OR5I1: variants seen among roughly 807,000 people sequenced by gnomAD.
OR5I1 encodes the protein olfactory receptor 5I1.
For synonymous variants in OR5I1, 163 were observed against 145.5 expected, an observed-to-expected ratio of 1.12 and a Z score of -0.87; for missense variants, 425 against 367.6, an observed-to-expected ratio of 1.16 and a Z score of -1.28.
rs1438545746 is a variant in OR5I1 at position 55,936,032 on chromosome 11, A to C, written c.369T>G (p.Asp123Glu). The change falls in exon 1 of 1, where the codon GAT (aspartate) becomes GAG (glutamate). Residue 123 changes from aspartate to glutamate, a missense_variant. Asp to Glu is a conservative substitution (Grantham distance 45). Coordinates refer to ENST00000301532, the MANE Select transcript of OR5I1 (RefSeq NM_006637.1). Reference protein sequence around the residue: ...ESFILAAMAYDRYVAICNPLL... With the variant: ...ESFILAAMAYERYVAICNPLL... ...AAGGGTTACAGATGGCGACATAGCG[A>C]TCATAGGCCATGGCGGCCAGGATGA... The C allele has an allele frequency of 6.2e-7, 1 of 1,612,070 alleles. No individual in the cohort carries two copies. The highest frequency in any genetic ancestry group is 8.5e-7 in the Non-Finnish European group (1 of 1,178,988).
In OR5I1 at chr11:55,935,605, A is replaced by G. The variant is rs1194202086; in HGVS notation, c.796T>C (p.Tyr266His). ...TLLFIYSRPS[Y>H]LYSPNTDKII... The stretch of plus-strand genomic sequence containing the variant: ...TTATCAGTGTTTGGAGAATACAGGT[A>G]GCTGGGCCGTGAGTAAATAAAGAGG... The change falls in exon 1 of 1, where the codon TAC becomes CAC. Residue 266 changes from tyrosine to histidine, a missense_variant. Physicochemically the swap from Tyr to His is moderately conservative, Grantham distance 83. Transcript: ENST00000301532. 2 of 1,611,642 alleles carry G rather than the reference A, an allele frequency of 1.2e-6. No homozygotes were observed. The highest frequency in any genetic ancestry group is 1.7e-6 in the Non-Finnish European group (2 of 1,178,678).
Position 55,935,594 on chromosome 11 carries a change from A to G in OR5I1, c.807T>C (p.Ser269=), listed in dbSNP as rs759048555. The part of the protein sequence containing the change: ...FIYSRPSYLY[S]PNTDKIISVF... ...CTGAGATAATTTTATCAGTGTTTGG[A>G]GAATACAGGTAGCTGGGCCGTGAGT... is the stretch of plus-strand genomic sequence containing the variant. The change falls in exon 1 of 1, where the codon TCT becomes TCC. Residue 269 remains serine (S), a synonymous_variant. Coordinates refer to ENST00000301532, the MANE Select transcript of OR5I1 (RefSeq NM_006637.1). 45 of 1,611,508 alleles carry G rather than the reference A, an allele frequency of 2.8e-5. No individual in the cohort carries two copies. Among genetic ancestry groups the G allele is most frequent in the Non-Finnish European group, 3.6e-5 (43 of 1,178,672 alleles).
In OR5I1 at chr11:55,935,531, C is replaced by T; in HGVS notation, c.870G>A (p.Leu290=). 6.2e-7 allele frequency: 1 copy of T among 1,610,274 alleles called. No homozygotes were observed. The highest frequency in any genetic ancestry group is 1.3e-5 in the African/African-American group (1 of 74,674). Residue 290 remains leucine, a synonymous_variant, in exon 1 of 1, where the codon TTG becomes TTA. Coordinates refer to ENST00000301532, the MANE Select transcript of OR5I1 (RefSeq NM_006637.1). ...YTIFIPVLNP[L]IYSLRNKDVK... ...CATCTTTATTTCTCAAACTATAAATCAACGGATTCAGCACTGGAATGAAAA... is the reference window on the plus strand; with the variant it reads ...CATCTTTATTTCTCAAACTATAAATTAACGGATTCAGCACTGGAATGAAAA...
Position 55,935,687 on chromosome 11 carries a change from C to T in OR5I1, c.714G>A (p.Lys238=), listed in dbSNP as rs1855156070. The T allele has an allele frequency of 1.2e-6, 2 of 1,609,796 alleles. No homozygotes were observed. Among genetic ancestry groups the T allele is most frequent in the Non-Finnish European group, 1.7e-6 (2 of 1,177,916 alleles). ...GGTGAGAGGCGCATGTAGAAAAGGT[C>T]TTCTTCCTCCCACTGAAAGAGCGGA... is the stretch of plus-strand genomic sequence containing the variant. ...LKIRSFSGRK[K]TFSTCASHLT... is the part of the protein sequence containing the mutation. The change falls in exon 1 of 1, where the codon AAG becomes AAA. Residue 238 remains lysine (K), a synonymous_variant. Transcript: ENST00000301532.
In OR5I1 at chr11:55,935,999, G is replaced by T; in HGVS notation, c.402C>A (p.Tyr134Ter). The T allele has an allele frequency of 6.2e-7, 1 of 1,612,422 alleles. No individual in the cohort carries two copies. Among genetic ancestry groups the T allele is most frequent in the Non-Finnish European group, 8.5e-7 (1 of 1,179,090 alleles). Residue 134 changes from tyrosine (Y) to a stop codon, truncating the protein, a stop_gained, in exon 1 of 1, where the codon TAC (tyrosine) becomes TAA (stop). Coordinates refer to ENST00000301532, the MANE Select transcript of OR5I1 (RefSeq NM_006637.1). LOFTEE classifies it low-confidence loss of function (END_TRUNC). Reference protein sequence around the residue: ...RYVAICNPLLYTVVMSRGICM... With the variant: ...RYVAICNPLL Reference sequence around the variant, plus strand: ...AGATGCCCCTAGACATCACAACTGTGTACAATAAAGGGTTACAGATGGCGA... The same window carrying T: ...AGATGCCCCTAGACATCACAACTGTTTACAATAAAGGGTTACAGATGGCGA...
chr11:55,935,780 T>C lies in OR5I1; in HGVS notation c.621A>G (p.Ser207=), dbSNP rs1002087040. 5 of 1,610,810 alleles carry C rather than the reference T, an allele frequency of 3.1e-6. 1 individual carries two copies. The highest frequency in any genetic ancestry group is 3.3e-4 in the Middle Eastern group (2 of 6,042). Reference sequence around the variant, plus strand: ...TGATGATAAAACAAATGATTTCCACTGAGCTGCCGTATGTGGAGAGGAGCC... The same window carrying C: ...TGATGATAAAACAAATGATTTCCACCGAGCTGCCGTATGTGGAGAGGAGCC... ...NEWLLSTYGS[S]VEIICFIIII... Residue 207 remains serine, a synonymous_variant, in exon 1 of 1, where the codon TCA becomes TCG. Transcript: ENST00000301532.
At position 55,935,766 on chromosome 11, in the gene OR5I1, C is replaced by T. The variant is rs1253570366; in HGVS notation, c.635G>A (p.Cys212Tyr). 3.1e-6 allele frequency: 5 copies of T among 1,609,532 alleles called. No homozygotes were observed. Among genetic ancestry groups the T allele is most frequent in the Non-Finnish European group, 4.2e-6 (5 of 1,177,576 alleles). The change falls in exon 1 of 1, where the codon TGT (cysteine) becomes TAT (tyrosine). Residue 212 changes from cysteine to tyrosine, a missense_variant. Cys to Tyr is a radical substitution (Grantham distance 194). Transcript: ENST00000301532. ...GTAGGAGATGATGATGATGATAAAACAAATGATTTCCACTGAGCTGCCGTA... is the reference window on the plus strand; with the variant it reads ...GTAGGAGATGATGATGATGATAAAATAAATGATTTCCACTGAGCTGCCGTA... Reference protein sequence around the residue: ...STYGSSVEIICFIIIIISYFF... With the variant: ...STYGSSVEIIYFIIIIISYFF...
In OR5I1 at chr11:55,936,377, G is replaced by T; in HGVS notation, c.24C>A (p.Tyr8Ter). 1 of 1,577,782 alleles carries T rather than the reference G, an allele frequency of 6.3e-7. No individual in the cohort carries two copies. The highest frequency in any genetic ancestry group is 8.6e-7 in the Non-Finnish European group (1 of 1,161,480). Residue 8 changes from tyrosine (Y) to a stop codon, truncating the protein, a stop_gained, in exon 1 of 1, where the codon TAC (tyrosine) becomes TAA (stop). Transcript: ENST00000301532. LOFTEE classifies it low-confidence loss of function (END_TRUNC). MEFTDRN[Y>*]TLVTEFILLG... Reference sequence around the variant, plus strand: ...ATAGAATAAACTCAGTGACCAACGTGTAGTTTCTATCTGTAAATTCCATCT... The same window carrying T: ...ATAGAATAAACTCAGTGACCAACGTTTAGTTTCTATCTGTAAATTCCATCT...
chr11:55,935,802 A>T lies in OR5I1; in HGVS notation c.599T>A (p.Leu200His), dbSNP rs753207987. Reference sequence around the variant, plus strand: ...CACTGAGCTGCCGTATGTGGAGAGGAGCCACTCATTAATTGTTGTGTCAGT... The same window carrying T: ...CACTGAGCTGCCGTATGTGGAGAGGTGCCACTCATTAATTGTTGTGTCAGT... The part of the protein sequence containing the change: ...SCTDTTINEW[L>H]LSTYGSSVEI... The change falls in exon 1 of 1, where the codon CTC (leucine) becomes CAC (histidine). Residue 200 changes from leucine (L) to histidine (H), a missense_variant. Leu to His is a moderately conservative substitution (Grantham distance 99). Transcript: ENST00000301532. 6.2e-7 allele frequency: 1 copy of T among 1,611,836 alleles called. No individual in the cohort carries two copies. Among genetic ancestry groups the T allele is most frequent in the South Asian group, 1.1e-5 (1 of 90,998 alleles).
rs747654853 is a variant in OR5I1, at chr11:55,935,957, G to A, written c.444C>T (p.Val148=). ...MSRGICMRLI[V]LSYLGGNMSS... is the part of the protein sequence containing the mutation. ...TCATGTTGCCTCCAAGGTATGACAAGACAATCAACCGCATACAGATGCCCC... is the reference window on the plus strand; with the variant it reads ...TCATGTTGCCTCCAAGGTATGACAAAACAATCAACCGCATACAGATGCCCC... Residue 148 remains valine, a synonymous_variant, in exon 1 of 1, where the codon GTC becomes GTT. Coordinates refer to ENST00000301532, the MANE Select transcript of OR5I1 (RefSeq NM_006637.1). The A allele has an allele frequency of 6.2e-7, 1 of 1,612,346 alleles. No homozygotes were observed. The highest frequency in any genetic ancestry group is 8.5e-7 in the Non-Finnish European group (1 of 1,179,034).
rs142135557 is a variant in OR5I1 at position 55,936,314 on chromosome 11, C to T, written c.87G>A (p.Leu29=). 1.2e-6 allele frequency: 2 copies of T among 1,611,338 alleles called. No homozygotes were observed. Among genetic ancestry groups the T allele is most frequent in the East Asian group, 2.2e-5 (1 of 44,782 alleles). ...FPTRPELQIV[L]FLMFLTLYAI... ...CATACAATGTCAGAAACATGAGGAA[C>T]AGGACAATCTGCAGTTCAGGGCGAG... Residue 29 remains leucine (L), a synonymous_variant, in exon 1 of 1, where the codon CTG becomes CTA. Coordinates refer to ENST00000301532, the MANE Select transcript of OR5I1 (RefSeq NM_006637.1).
In OR5I1 at chr11:55,936,144, T is replaced by C. The variant is rs1379953281; in HGVS notation, c.257A>G (p.Asn86Ser). ...FSDIVPKMLV[N>S]FLSENKSISY... ...AATAGATTTGTTCTCCGAGAGGAAA[T>C]TGACCAGCATTTTGGGAACAATGTC... The change falls in exon 1 of 1, where the codon AAT becomes AGT. Residue 86 changes from asparagine to serine, a missense_variant. Physicochemically the swap from Asn to Ser is conservative, Grantham distance 46. Coordinates refer to ENST00000301532, the MANE Select transcript of OR5I1 (RefSeq NM_006637.1). 6.2e-7 allele frequency: 1 copy of C among 1,611,998 alleles called. No individual in the cohort carries two copies. Among genetic ancestry groups the C allele is most frequent in the African/African-American group, 1.3e-5 (1 of 74,642 alleles).
rs563745858 is a variant in OR5I1 at position 55,935,930 on chromosome 11, A to G, written c.471T>C (p.Ser157=). ...IVLSYLGGNM[S]SLVHTSFAFI... is the part of the protein sequence containing the mutation. ...AGGCAAAGGATGTGTGAACCAGGGA[A>G]CTCATGTTGCCTCCAAGGTATGACA... The change falls in exon 1 of 1, where the codon AGT becomes AGC. Residue 157 remains serine, a synonymous_variant. Transcript: ENST00000301532. The G allele has an allele frequency of 1.2e-6, 2 of 1,612,148 alleles. No homozygotes were observed. Among genetic ancestry groups the G allele is most frequent in the South Asian group, 1.1e-5 (1 of 91,030 alleles).
chr11:55,935,561 GT>G lies in OR5I1; in HGVS notation c.839del (p.Tyr280SerfsTer8), dbSNP rs760488105. On this transcript the variant is annotated frameshift_variant, in exon 1 of 1. Coordinates refer to ENST00000301532, the MANE Select transcript of OR5I1 (RefSeq NM_006637.1). LOFTEE classifies it low-confidence loss of function (END_TRUNC). ...PNTDKIISVF[Y>X]TIFIPVLNPL... is the part of the protein sequence containing the mutation. ...GATTCAGCACTGGAATGAAAATGGT[GT>G]AGAACACTGAGATAATTTTATCAGT... 1 of 1,611,228 alleles carries G rather than the reference GT, an allele frequency of 6.2e-7. No individual in the cohort carries two copies. Among genetic ancestry groups the G allele is most frequent in the South Asian group, 1.1e-5 (1 of 90,994 alleles).
At position 55,936,336 on chromosome 11, in the gene OR5I1, C is replaced by A. The variant is rs575836357; in HGVS notation, c.65G>T (p.Arg22Leu). The A allele has an allele frequency of 8.1e-6, 13 of 1,608,724 alleles. No individual in the cohort carries two copies. The highest frequency in any genetic ancestry group is 5.5e-5 in the South Asian group (5 of 90,394). The change falls in exon 1 of 1, where the codon CGC becomes CTC. Residue 22 changes from arginine (R) to leucine (L), a missense_variant. Coordinates refer to ENST00000301532, the MANE Select transcript of OR5I1 (RefSeq NM_006637.1). ...TEFILLGFPT[R>L]PELQIVLFLM... Reference sequence around the variant, plus strand: ...GAACAGGACAATCTGCAGTTCAGGGCGAGTTGGAAAACCTAATAGAATAAA... The same window carrying A: ...GAACAGGACAATCTGCAGTTCAGGGAGAGTTGGAAAACCTAATAGAATAAA...
chr11:55,935,561 G>A lies in OR5I1; in HGVS notation c.840C>T (p.Tyr280=), dbSNP rs373790261. The A allele has an allele frequency of 4.5e-5, 72 of 1,611,228 alleles. No homozygotes were observed. The highest frequency in any genetic ancestry group is 1.1e-4 in the African/African-American group (8 of 74,786). ...GATTCAGCACTGGAATGAAAATGGT[G>A]TAGAACACTGAGATAATTTTATCAG... ...PNTDKIISVF[Y]TIFIPVLNPL... Residue 280 remains tyrosine, a synonymous_variant, in exon 1 of 1, where the codon TAC becomes TAT. Transcript: ENST00000301532.
chr11:55,936,142 A>G lies in OR5I1; in HGVS notation c.259T>C (p.Phe87Leu). The G allele has an allele frequency of 6.2e-7, 1 of 1,612,266 alleles. No individual in the cohort carries two copies. Residue 87 changes from phenylalanine to leucine, a missense_variant, in exon 1 of 1, where the codon TTC becomes CTC. Coordinates refer to ENST00000301532, the MANE Select transcript of OR5I1 (RefSeq NM_006637.1). ...SDIVPKMLVN[F>L]LSENKSISYY... Reference sequence around the variant, plus strand: ...GAAATAGATTTGTTCTCCGAGAGGAAATTGACCAGCATTTTGGGAACAATG... The same window carrying G: ...GAAATAGATTTGTTCTCCGAGAGGAGATTGACCAGCATTTTGGGAACAATG...
At position 55,935,720 on chromosome 11, in the gene OR5I1, G is replaced by T. The variant is rs766827184; in HGVS notation, c.681C>A (p.Val227=). The T allele has an allele frequency of 2.5e-6, 4 of 1,609,046 alleles. No individual in the cohort carries two copies. Among genetic ancestry groups the T allele is most frequent in the Admixed American group, 1.7e-5 (1 of 59,364 alleles). ...IISYFFILLS[V]LKIRSFSGRK... is the part of the protein sequence containing the mutation. ...TCCCACTGAAAGAGCGGATCTTTAAGACTGAGAGAAGAATGAAAAAGTAGG... is the reference window on the plus strand; with the variant it reads ...TCCCACTGAAAGAGCGGATCTTTAATACTGAGAGAAGAATGAAAAAGTAGG... Residue 227 remains valine, a synonymous_variant, in exon 1 of 1, where the codon GTC becomes GTA. Coordinates refer to ENST00000301532, the MANE Select transcript of OR5I1 (RefSeq NM_006637.1).
Position 55,936,278 on chromosome 11 carries a change from C to A in OR5I1, c.123G>T (p.Leu41=), listed in dbSNP as rs141698314. Residue 41 remains leucine (L), a synonymous_variant, in exon 1 of 1, where the codon CTG becomes CTT. Coordinates refer to ENST00000301532, the MANE Select transcript of OR5I1 (RefSeq NM_006637.1). ...ACAGCATCAATCCAATGTTCCCTATCAGAATTATAGCATACAATGTCAGAA... is the reference window on the plus strand; with the variant it reads ...ACAGCATCAATCCAATGTTCCCTATAAGAATTATAGCATACAATGTCAGAA... ...LMFLTLYAII[L]IGNIGLMLLI... 5.4e-5 allele frequency: 87 copies of A among 1,611,794 alleles called. No individual in the cohort carries two copies. In the African/African-American group the frequency reaches 9.1e-4, roughly 17 times the overall value.
Sources: allele counts gnomAD v4.1 joint callset, GRCh38; gene constraint gnomAD v4.1.1; transcripts MANE v1.5; gene names NCBI Gene and HGNC (gene_info 2026-07-23, HGNC 2026-07-21).